TMEM131L: variants seen among roughly 807,000 people sequenced by gnomAD.
TMEM131L encodes transmembrane protein 131-like.
Under a neutral mutation model 192.2 loss-of-function variants are expected in TMEM131L, and 54 were observed. The observed-to-expected ratio is 0.28, with a 90% confidence interval of 0.23 to 0.35. The LOEUF is 0.35. TMEM131L is among the 10% of genes least tolerant of loss of function. The pLI, the probability that TMEM131L is intolerant of heterozygous loss-of-function variation, is 1.00. For synonymous variants in TMEM131L, 701 were observed against 704.9 expected, an observed-to-expected ratio of 0.99 and a Z score of 0.09; for missense variants, 1,888 against 1,972.9, an observed-to-expected ratio of 0.96 and a Z score of 0.82.
chr4:153,479,831 T>C (rs907351521), intron 3 of TMEM131L, among the ~76,000 whole-genome samples: 2 of 152,342 alleles, frequency 1.3e-5, no homozygotes, highest in South Asian at 2.1e-4. Context: ...AACTTAATCT[T>C]TGGGGACACT....
rs1311207782 is a variant in TMEM131L, at chr4:153,466,392, A to G, written c.-6A>G. 3 of 1,317,558 alleles carry G rather than the reference A, an allele frequency of 2.3e-6. No individual in the cohort carries two copies. The highest frequency in any genetic ancestry group is 2.9e-6 in the Non-Finnish European group (3 of 1,029,998). 81.6% of individuals were successfully genotyped at this position (1,317,558 alleles called of 1,614,324 possible). A position where few individuals can be genotyped will look rare whatever the true frequency, so the allele number is the denominator to read the frequency against. On this transcript the variant is annotated 5_prime_UTR_variant, in exon 1 of 35. Transcript: ENST00000409959. ...GCGAGCAACGGAGAGGAGCGCGAGC[A>G]GCAGCATGGCGGGGCTCCGACGCCC...
intron 3 of TMEM131L, among the ~76,000 whole-genome samples, chr4:153,511,211 G>A (rs1734333745): frequency 6.6e-6 from 1 of 152,182 alleles, no homozygotes; most frequent in African/African-American, 2.4e-5. Context: ...ATTCACAGTA[G>A]CAGAGACATG....
chr4:153,479,635 GT>G (rs921383858), intron 3 of TMEM131L, among the ~76,000 whole-genome samples: 25 of 148,794 alleles, frequency 1.7e-4, no homozygotes, highest in Admixed American at 1.4e-3. Context: ...GTCTATGAAA[GT>G]TTTTTTTTTG....
intron 2 of TMEM131L, among the ~76,000 whole-genome samples, chr4:153,469,141 GCTGT>G (rs920170728): frequency 6.6e-6 from 1 of 152,194 alleles, no homozygotes; most frequent in African/African-American, 2.4e-5. Flanking sequence ...GAATTCAGAA[GCTGT>G]CTGGGATATT....
chr4:153,603,042 T>C (rs182189021), intron 23 of TMEM131L, among the ~76,000 whole-genome samples: 2 of 152,314 alleles, frequency 1.3e-5, no homozygotes, highest in East Asian at 1.9e-4. Flanking sequence ...TGATTTGAGA[T>C]TAGGAGGCTG....
chr4:153,479,000 G>A lies in TMEM131L; in HGVS notation c.239+5112G>A, dbSNP rs185267585. On this transcript the variant is annotated intron_variant, in intron 3 of 34. Transcript: ENST00000409959. ...TAACTTTGGACTTGAGAAATAATTT[G>A]CCTGTAAGACAGTCTTAGCATGTTC... 9.9e-5 allele frequency among the ~76,000 whole-genome samples: 15 copies of A among 152,254 alleles called. No individual in the cohort carries two copies. The East Asian group carries it at 2.5e-3, about 25-fold the overall frequency.
At position 153,467,331 on chromosome 4, in the gene TMEM131L, G is replaced by A. The variant is rs527484377; in HGVS notation, c.195+50G>A. The A allele has an allele frequency of 8.3e-5, 124 of 1,487,146 alleles. No individual in the cohort carries two copies. In the African/African-American group the frequency reaches 1.6e-3, roughly 20 times the overall value. The allele number at this position is 1,487,146 out of a possible 1,614,324, so 92.1% of individuals were successfully genotyped here. ...GGCTGTGGGTGTACGAGGGAGGAGA[G>A]GCGGGGAGGCCCCCGGTCCTCCCCA... On this transcript the variant is annotated intron_variant, in intron 2 of 34. Coordinates refer to ENST00000409959, the MANE Select transcript of TMEM131L (RefSeq NM_001131007.2).
At chr4:153,578,616 G>A (rs1206944950) in intron 7 of TMEM131L, among the ~76,000 whole-genome samples, 1 of 151,710 alleles carries the variant, frequency 6.6e-6, no homozygotes, top group Non-Finnish European at 1.5e-5. Flanking sequence ...TGCCTCTCAG[G>A]TTCACGCCAT....
chr4:153,602,796 C>T (rs185092131), intron 23 of TMEM131L, 69 bp downstream of exon 23: 25 of 1,368,140 alleles, frequency 1.8e-5, no homozygotes, highest in East Asian at 1.4e-4. Context: ...TGTGTGAAAA[C>T]GTGAACTGCC....
Position 153,604,425 on chromosome 4 carries a change from A to G in TMEM131L, c.3413A>G (p.Asn1138Ser). ...QPDLPEISRK[N>S]NGNNQQVPVK... ...GACTTGCCAGAAATTTCCAGGAAAA[A>G]TAATGGTAATCTTTTCATCCCCTTT... Residue 1138 changes from asparagine to serine, a missense_variant, in exon 25 of 35, where the codon AAT becomes AGT. Transcript: ENST00000409959. The G allele has an allele frequency of 2.5e-6, 4 of 1,597,594 alleles. No homozygotes were observed. Among genetic ancestry groups the G allele is most frequent in the Non-Finnish European group, 3.4e-6 (4 of 1,174,324 alleles).
At position 153,592,576 on chromosome 4, in the gene TMEM131L, C is replaced by G. The variant is rs1731151288; in HGVS notation, c.1914C>G (p.Leu638=). The G allele has an allele frequency of 1.9e-6, 3 of 1,607,434 alleles. No homozygotes were observed. The highest frequency in any genetic ancestry group is 2.2e-5 in the East Asian group (1 of 44,846). The change falls in exon 18 of 35, where the codon CTC becomes CTG. Residue 638 remains leucine, a synonymous_variant. Coordinates refer to ENST00000409959, the MANE Select transcript of TMEM131L (RefSeq NM_001131007.2). ...YPKPEALVHL[L]HRWFGTDMQM... Reference sequence around the variant, plus strand: ...AACCCGAAGCCCTAGTGCACCTGCTCCACAGATGGTATGAAGACTTTTTTT... The same window carrying G: ...AACCCGAAGCCCTAGTGCACCTGCTGCACAGATGGTATGAAGACTTTTTTT...
At chr4:153,509,590 A>G (rs1220319594) in intron 3 of TMEM131L, among the ~76,000 whole-genome samples, 2 of 151,798 alleles carry the variant, frequency 1.3e-5, no homozygotes, top group African/African-American at 4.8e-5. Flanking sequence ...GCCAGGTATG[A>G]TGGCACATGC....
chr4:153,484,115 G>A (rs1732139666), intron 3 of TMEM131L, among the ~76,000 whole-genome samples: 2 of 152,140 alleles, frequency 1.3e-5, no homozygotes, highest in South Asian at 2.1e-4. Flanking sequence ...GGGTCTCCTG[G>A]GAGCTTGTTA....
chr4:153,470,533 A>C (rs1291744630), intron 2 of TMEM131L, among the ~76,000 whole-genome samples: 3 of 152,208 alleles, frequency 2.0e-5, no homozygotes, highest in Non-Finnish European at 4.4e-5. Flanking sequence ...GGAAGGAGGA[A>C]AAATATATAT....
intron 25 of TMEM131L, 119 bp from the exon 26 acceptor site, chr4:153,612,133 C>T (rs1269064793): frequency 3.1e-5 from 20 of 637,478 alleles, no homozygotes; most frequent in Non-Finnish European, 4.2e-5. Flanking sequence ...ATGTTAAAAA[C>T]AATGCTAAAT....
chr4:153,477,590 T>C (rs1731636005), intron 3 of TMEM131L, among the ~76,000 whole-genome samples: 1 of 151,938 alleles, frequency 6.6e-6, no homozygotes, highest in African/African-American at 2.4e-5. Flanking sequence ...TTTTTGACGA[T>C]GACTTATATA....
chr4:153,627,460 C>G, intron 30 of TMEM131L, 145 bp from the exon 31 acceptor site: 2 of 566,220 alleles, frequency 3.5e-6, no homozygotes, highest in Middle Eastern at 2.7e-4. Flanking sequence ...AACTTTACAT[C>G]CTTTATATCT....
At chr4:153,493,662 A>G (rs1259097846) in intron 3 of TMEM131L, among the ~76,000 whole-genome samples, 1 of 152,132 alleles carries the variant, frequency 6.6e-6, no homozygotes, top group African/African-American at 2.4e-5. Context: ...TGTCTCAAAA[A>G]AAGAAAAAAA....
rs1240021792 is a variant in TMEM131L at position 153,583,207 on chromosome 4, A to G, written c.910A>G (p.Met304Val). ...TTGGACAGATGATTCAGCAGTAAATATGTATATATTACATTCAGGAAACAG... is the reference window on the plus strand; with the variant it reads ...TTGGACAGATGATTCAGCAGTAAATGTGTATATATTACATTCAGGAAACAG... Reference protein sequence around the residue: ...SETSDDSAVNMYILHSGNSLI... With the variant: ...SETSDDSAVNVYILHSGNSLI... The change falls in exon 10 of 35, where the codon ATG becomes GTG. Residue 304 changes from methionine to valine, a missense_variant. Transcript: ENST00000409959. The G allele has an allele frequency of 2.1e-6, 3 of 1,448,550 alleles. No individual in the cohort carries two copies. The East Asian group carries it at 6.8e-5, about 33-fold the overall frequency. 89.7% of individuals were successfully genotyped at this position (1,448,550 alleles called of 1,614,324 possible). A position where few individuals can be genotyped will look rare whatever the true frequency, so the allele number is the denominator to read the frequency against.
Sources: allele counts gnomAD v4.1 joint callset (sites outside exome capture counted in the v4.1 genomes callset), GRCh38; gene constraint gnomAD v4.1.1; transcripts MANE v1.5; gene names NCBI Gene and HGNC (gene_info 2026-07-23, HGNC 2026-07-21).